EPB41L4B: variants seen among roughly 807,000 people sequenced by gnomAD.
EPB41L4B encodes the protein band 4.1-like protein 4B.
EPB41L4B carries 30 observed loss-of-function variants against 112.5 expected under a neutral mutation model. The ratio of observed to expected loss-of-function variants is 0.27; its 90% CI spans 0.20 to 0.36. The LOEUF is 0.36. Ranked by LOEUF, EPB41L4B falls within the 10% of genes least tolerant of loss-of-function variation. EPB41L4B has a pLI of 1.00. For synonymous variants in EPB41L4B, 408 were observed against 439.7 expected (o/e 0.93, Z 0.90); for missense variants, 1,024 against 1,133.3 (o/e 0.90, Z 1.38).
chr9:109,280,462 T>C (rs948548813), intron 1 of EPB41L4B, among the ~76,000 whole-genome samples: 2 of 152,240 alleles, frequency 1.3e-5, no homozygotes, highest in Non-Finnish European at 2.9e-5. Flanking sequence ...AGGTTTTGAC[T>C]ATGTGGTATA....
At chr9:109,307,511 G>A (rs1168258647) in intron 1 of EPB41L4B, among the ~76,000 whole-genome samples, 1 of 152,114 alleles carries the variant, frequency 6.6e-6, no homozygotes, top group Non-Finnish European at 1.5e-5. Context: ...CCCCTCCCTG[G>A]ACTTTAACCA....
intron 2 of EPB41L4B, 92 bp downstream of exon 2, chr9:109,279,725 T>C: frequency 1.8e-6 from 2 of 1,107,092 alleles, no homozygotes; most frequent in South Asian, 1.4e-5. Flanking sequence ...AGTTTTAGTC[T>C]TGTTTTTCTC....
At chr9:109,278,792 C>T (rs1011885212) in intron 2 of EPB41L4B, among the ~76,000 whole-genome samples, 1 of 152,244 alleles carries the variant, frequency 6.6e-6, no homozygotes, top group Admixed American at 6.5e-5. Context: ...GCATAATGGG[C>T]ACTCCATAAA....
intron 6 of EPB41L4B, among the ~76,000 whole-genome samples, chr9:109,258,909 C>T (rs183149911): frequency 2.0e-5 from 3 of 152,242 alleles, no homozygotes; most frequent in East Asian, 3.9e-4. Context: ...ACGAGTGATC[C>T]GAGCAAGAAG....
At chr9:109,204,966 AAACCCTCT>A (rs1192265151) in intron 18 of EPB41L4B, among the ~76,000 whole-genome samples, 1 of 152,128 alleles carries the variant, frequency 6.6e-6, no homozygotes, top group African/African-American at 2.4e-5. Context: ...CAACCCCTCA[AAACCCTCT>A]AAACCATGGA....
At chr9:109,276,950 A>G (rs1360146949) in intron 2 of EPB41L4B, among the ~76,000 whole-genome samples, 1 of 152,214 alleles carries the variant, frequency 6.6e-6, no homozygotes, top group Non-Finnish European at 1.5e-5. Flanking sequence ...TAGAAGTGTA[A>G]GTTTTCTTGG....
intron 1 of EPB41L4B, among the ~76,000 whole-genome samples, chr9:109,314,946 C>T (rs1837578992): frequency 6.6e-6 from 1 of 152,174 alleles, no homozygotes; most frequent in Non-Finnish European, 1.5e-5. Flanking sequence ...ACAGCTCTAT[C>T]TCAAACCTTC....
At position 109,255,539 on chromosome 9, in the gene EPB41L4B, T is replaced by A. The variant is rs1007456288; in HGVS notation, c.1141A>T (p.Ile381Phe). 19 of 1,614,220 alleles carry A rather than the reference T, an allele frequency of 1.2e-5. No homozygotes were observed. Among genetic ancestry groups the A allele is most frequent in the Non-Finnish European group, 1.4e-5 (17 of 1,180,022 alleles). The change falls in exon 11 of 26, where the codon ATC (isoleucine) becomes TTC (phenylalanine). Residue 381 changes from isoleucine (I) to phenylalanine (F), a missense_variant. By Grantham distance (21) the Ile-to-Phe change is conservative. Transcript: ENST00000374566. ...AATCTGAAGCGAGAGCCCAGCCTGA[T>A]AAAGTCGGATCTATTGGATTTGCTG... ...GNSKSNRSDF[I>F]RLGSRFRFSG...
chr9:109,286,221 G>A (rs146174277), intron 1 of EPB41L4B, among the ~76,000 whole-genome samples: 2 of 148,630 alleles, frequency 1.3e-5, no homozygotes, highest in African/African-American at 5.2e-5. Context: ...GGATGGATGG[G>A]TGGATGGATG....
intron 24 of EPB41L4B, among the ~76,000 whole-genome samples, chr9:109,180,440 G>T (rs1832014664): frequency 6.6e-6 from 1 of 152,226 alleles, no homozygotes; most frequent in African/African-American, 2.4e-5. Context: ...ACTGCAGGGA[G>T]CCAGGACGAG....
chr9:109,216,149 C>T (rs890532801), intron 16 of EPB41L4B, among the ~76,000 whole-genome samples: 2 of 152,224 alleles, frequency 1.3e-5, no homozygotes, highest in African/African-American at 4.8e-5. Flanking sequence ...CTCCCCTCCC[C>T]TCTTTCTCTT....
intron 1 of EPB41L4B, among the ~76,000 whole-genome samples, chr9:109,283,603 A>C (rs1248635049): frequency 6.6e-6 from 1 of 152,210 alleles, no homozygotes; most frequent in East Asian, 1.9e-4. Flanking sequence ...AAACAAGGAA[A>C]ATTTTAATGA....
At chr9:109,256,080 G>T in intron 9 of EPB41L4B, 56 bp downstream of exon 9, 2 of 1,478,222 alleles carry the variant, frequency 1.4e-6, no homozygotes, top group Non-Finnish European at 1.9e-6. Context: ...CCATCACATA[G>T]AATTCCACCA....
intron 15 of EPB41L4B, among the ~76,000 whole-genome samples, chr9:109,228,093 T>C (rs899929172): frequency 6.6e-6 from 1 of 152,232 alleles, no homozygotes; most frequent in South Asian, 2.1e-4. Flanking sequence ...AGAATAATAT[T>C]GAATATCAGC....
At chr9:109,271,691 A>G (rs1307186407) in intron 2 of EPB41L4B, among the ~76,000 whole-genome samples, 1 of 152,206 alleles carries the variant, frequency 6.6e-6, no homozygotes, top group Non-Finnish European at 1.5e-5. Context: ...TTGGCTAAAT[A>G]TAGCCATGCC....
chr9:109,175,791 GCCT>G (rs1247778461), intron 25 of EPB41L4B, among the ~76,000 whole-genome samples: 1 of 152,086 alleles, frequency 6.6e-6, no homozygotes, highest in Admixed American at 6.6e-5. Flanking sequence ...AACTTCACAG[GCCT>G]CCTCTATTGT....
Position 109,310,619 on chromosome 9 carries a change from C to T in EPB41L4B, c.306+9522G>A, listed in dbSNP as rs1001532890. Among the ~76,000 whole-genome samples the T allele has an allele frequency of 4.6e-5, 7 of 152,288 alleles. No individual in the cohort carries two copies. The East Asian group carries it at 1.3e-3, about 29-fold the overall frequency. Reference sequence around the variant, plus strand: ...CCTGCCACACACCCCCAAACGAAGCCCAGACAGCCTTGGAAGATGATCAGC... The same window carrying T: ...CCTGCCACACACCCCCAAACGAAGCTCAGACAGCCTTGGAAGATGATCAGC... On this transcript the variant is annotated intron_variant, in intron 1 of 25. Transcript: ENST00000374566.
At chr9:109,258,962 C>A (rs761487261) in intron 6 of EPB41L4B, among the ~76,000 whole-genome samples, 5 of 152,148 alleles carry the variant, frequency 3.3e-5, no homozygotes, top group Non-Finnish European at 7.4e-5. Flanking sequence ...CCAAGTCCCC[C>A]ACAGGATGGA....
intron 23 of EPB41L4B, among the ~76,000 whole-genome samples, chr9:109,183,019 G>T (rs902761716): frequency 6.6e-6 from 1 of 152,202 alleles, no homozygotes; most frequent in African/African-American, 2.4e-5. Flanking sequence ...CAGCAGGGAT[G>T]ACAGCCTGGA....
Sources: allele counts gnomAD v4.1 joint callset (sites outside exome capture counted in the v4.1 genomes callset), GRCh38; gene constraint gnomAD v4.1.1; transcripts MANE v1.5; gene names NCBI Gene and HGNC (gene_info 2026-07-23, HGNC 2026-07-21).